Variants in INPP1 observed in about 807,000 individuals in gnomAD.
INPP1 encodes the protein inositol polyphosphate 1-phosphatase.
INPP1 carries 18 observed loss-of-function variants against 23.0 expected under a neutral mutation model. That is an observed-to-expected ratio of 0.78 (90% CI 0.54 to 1.16). The LOEUF (loss-of-function observed/expected upper bound fraction) is 1.16, where lower values mean the gene tolerates loss of function less well. Ranked by LOEUF, INPP1 falls within the 50% of genes most tolerant of loss-of-function variation. INPP1 has a pLI of 0.00. For missense variants in INPP1, 448 were observed against 482.1 expected (o/e 0.93, Z 0.66); for synonymous variants, 164 against 176.3 (o/e 0.93, Z 0.55).
At chr2:190,360,428 A>T in intron 3 of INPP1, 122 bp downstream of exon 3, 1 of 721,358 alleles carries the variant, frequency 1.4e-6, no homozygotes, top group South Asian at 1.9e-5. Flanking sequence ...ATTTCAAGTA[A>T]ACATCTTGGA....
Position 190,367,259 on chromosome 2 carries a change from A to G in INPP1, c.466+364A>G, listed in dbSNP as rs1450330480. Among the ~76,000 whole-genome samples the G allele has an allele frequency of 6.6e-6, 1 of 152,234 alleles. No individual in the cohort carries two copies. Among genetic ancestry groups the G allele is most frequent in the Non-Finnish European group, 1.5e-5 (1 of 68,044 alleles). On this transcript the variant is annotated intron_variant, in intron 5 of 6. Transcript: ENST00000392329. This position sits in a 1 kb window ranked among gnomAD's most constrained non-coding sequence, Gnocchi z 4.1. ...AGCAGTTATGACCAATTGAGCACAC[A>G]TACCATTTAAAGAGCACTTAGCTTT... is the stretch of plus-strand genomic sequence containing the variant.
rs1689724986 is a variant in INPP1, at chr2:190,368,290, G to A, written c.467-813G>A. On this transcript the variant is annotated intron_variant, in intron 5 of 6. Coordinates refer to ENST00000392329, the MANE Select transcript of INPP1 (RefSeq NM_001128928.2). This position sits in a 1 kb window ranked among gnomAD's most constrained non-coding sequence, Gnocchi z 4.3. ...GACGTCAGCAGTCAGCTGCTGGCAT[G>A]TACATCTCTTAAGGGGAAACCTAGT... 1.3e-5 allele frequency among the ~76,000 whole-genome samples: 2 copies of A among 152,158 alleles called. No homozygotes were observed. Among genetic ancestry groups the A allele is most frequent in the African/African-American group, 4.8e-5 (2 of 41,434 alleles).
At chr2:190,349,742 A>T (rs76178074) in intron 2 of INPP1, among the ~76,000 whole-genome samples, 106 of 10,602 alleles carry the variant, frequency 1.0e-2, no homozygotes, top group African/African-American at 0.033. Flanking sequence ...ACACAGCAGA[A>T]AAAAAAATAT....
Position 190,360,067 on chromosome 2 carries a change from C to T in INPP1, c.-36C>T. 3 of 1,602,770 alleles carry T rather than the reference C, an allele frequency of 1.9e-6. No homozygotes were observed. The highest frequency in any genetic ancestry group is 1.7e-6 in the Non-Finnish European group (2 of 1,171,852). ...ACGGCCCAGAGGGTGGGTGCCAATTCCACCAGCAGCTGCAACTGAAAAGCA... is the reference window on the plus strand; with the variant it reads ...ACGGCCCAGAGGGTGGGTGCCAATTTCACCAGCAGCTGCAACTGAAAAGCA... On this transcript the variant is annotated 5_prime_UTR_variant, in exon 3 of 7. Coordinates refer to ENST00000392329, the MANE Select transcript of INPP1 (RefSeq NM_001128928.2).
At chr2:190,365,924 T>C (rs1246092454) in intron 4 of INPP1, among the ~76,000 whole-genome samples, 1 of 151,876 alleles carries the variant, frequency 6.6e-6, no homozygotes, top group Non-Finnish European at 1.5e-5. Flanking sequence ...TTGCTCTGTC[T>C]CACTGTCTCT....
chr2:190,362,597 T>G (rs1322036592), intron 3 of INPP1, 30 bp from the exon 4 acceptor site: 1 of 1,505,632 alleles, frequency 6.6e-7, no homozygotes, highest in South Asian at 1.2e-5. Context: ...GGTTTTTGTT[T>G]TGTTTTTCGT....
At chr2:190,366,208 TCTCG>T (rs1375326120) in intron 4 of INPP1, among the ~76,000 whole-genome samples, 29 of 150,838 alleles carry the variant, frequency 1.9e-4, no homozygotes, top group African/African-American at 7.1e-4. Flanking sequence ...TGTCTCGCTC[TCTCG>T]CTCTGTCTCT....
chr2:190,360,854 T>C (rs1689521348), intron 3 of INPP1, among the ~76,000 whole-genome samples: 1 of 152,154 alleles, frequency 6.6e-6, no homozygotes, highest in Admixed American at 6.5e-5. Flanking sequence ...TTTCTTCAGT[T>C]ATGAGATTGT....
At chr2:190,359,392 CT>C (rs768566566) in intron 2 of INPP1, among the ~76,000 whole-genome samples, 6 of 151,636 alleles carry the variant, frequency 4.0e-5, no homozygotes, top group Non-Finnish European at 5.9e-5. Context: ...CCTGTCTCTA[CT>C]AAAAATACAA....
rs183835955 is a variant in INPP1 at position 190,356,413 on chromosome 2, C to G, written c.-64-3626C>G. ...TGCAGTGAATAGCCAGTACTTCTTT[C>G]CCATTGGTCAAGTTGCTGTGCTCGC... On this transcript the variant is annotated intron_variant, in intron 2 of 6. Transcript: ENST00000392329. This position sits in a 1 kb window ranked among gnomAD's most constrained non-coding sequence, Gnocchi z 6.4. 1 of 152,180 alleles carries G rather than the reference C, an allele frequency of 6.6e-6. No individual in the cohort carries two copies. The highest frequency in any genetic ancestry group is 2.4e-5 in the African/African-American group (1 of 41,430). 9.4% of individuals were successfully genotyped at this position (152,180 alleles called of 1,614,324 possible). A position where few individuals can be genotyped will look rare whatever the true frequency, so the allele number is the denominator to read the frequency against.
rs1213971651 is a variant in INPP1, at chr2:190,345,078, T to C, written c.-209+1117T>C. On this transcript the variant is annotated intron_variant, in intron 1 of 6. Transcript: ENST00000392329. This position sits in a 1 kb window ranked among gnomAD's most constrained non-coding sequence, Gnocchi z 4.9. The stretch of plus-strand genomic sequence containing the variant: ...GGAAAAAATAAAGGCAATGGAAGAA[T>C]TCATTTTTTCAATACAGATATTTGT... Among the ~76,000 whole-genome samples, 1 of 152,250 alleles carries C rather than the reference T, an allele frequency of 6.6e-6. No homozygotes were observed. The highest frequency in any genetic ancestry group is 2.4e-5 in the African/African-American group (1 of 41,462).
At position 190,360,260 on chromosome 2, in the gene INPP1, C is replaced by T; in HGVS notation, c.158C>T (p.Ala53Val). 2 of 1,614,166 alleles carry T rather than the reference C, an allele frequency of 1.2e-6. No individual in the cohort carries two copies. Among genetic ancestry groups the T allele is most frequent in the Non-Finnish European group, 1.7e-6 (2 of 1,180,022 alleles). The change falls in exon 3 of 7, where the codon GCT (alanine) becomes GTT (valine). Residue 53 changes from alanine (A) to valine (V), a missense_variant. Physicochemically the swap from Ala to Val is moderately conservative, Grantham distance 64 (BLOSUM62 0). Coordinates refer to ENST00000392329, the MANE Select transcript of INPP1 (RefSeq NM_001128928.2). The stretch of plus-strand genomic sequence containing the variant: ...TTTGCAGTTGACTTCAAGACGCTGG[C>T]TGATGTACTGGTACAGGAAGTTATA... ...KKFAVDFKTLADVLVQEVIKQ... is the reference protein window; with the variant it reads ...KKFAVDFKTLVDVLVQEVIKQ...
In INPP1 at chr2:190,346,529, A is replaced by G. The variant is rs1689218766; in HGVS notation, c.-208-2359A>G. The stretch of plus-strand genomic sequence containing the variant: ...TCAATTTCTTGAATGTGATAAGAGC[A>G]TTTTATTAATGGATGACTAATGCAG... On this transcript the variant is annotated intron_variant, in intron 1 of 6. Coordinates refer to ENST00000392329, the MANE Select transcript of INPP1 (RefSeq NM_001128928.2). This position sits in a 1 kb window ranked among gnomAD's most constrained non-coding sequence, Gnocchi z 5.1. Among the ~76,000 whole-genome samples the G allele has an allele frequency of 6.6e-6, 1 of 152,192 alleles. No homozygotes were observed.
chr2:190,357,909 C>A (rs1445689833), intron 2 of INPP1, among the ~76,000 whole-genome samples: 1 of 152,140 alleles, frequency 6.6e-6, no homozygotes, highest in African/African-American at 2.4e-5. Context: ...ACTACTGAGA[C>A]TAGACATATT....
chr2:190,366,574 GCTCT>G (rs1206860058), intron 4 of INPP1, 117 bp from the exon 5 acceptor site: 46 of 717,022 alleles, frequency 6.4e-5, no homozygotes, highest in African/African-American at 1.8e-4. Context: ...TGTGTCTCTC[GCTCT>G]CTCTCTGTCT....
rs185770729 is a variant in INPP1 at position 190,352,965 on chromosome 2, G to C, written c.-65+3934G>C. On this transcript the variant is annotated intron_variant, in intron 2 of 6. Coordinates refer to ENST00000392329, the MANE Select transcript of INPP1 (RefSeq NM_001128928.2). This position sits in a 1 kb window ranked among gnomAD's most constrained non-coding sequence, Gnocchi z 4.7. ...GCCAGAATTCAGGATGTGAACCGTG[G>C]GGGTGGGGTGGAGTCAATGCGCAAT... is the stretch of plus-strand genomic sequence containing the variant. Among the ~76,000 whole-genome samples the C allele has an allele frequency of 1.3e-5, 2 of 152,190 alleles. No homozygotes were observed. Among genetic ancestry groups the C allele is most frequent in the East Asian group, 3.9e-4 (2 of 5,192 alleles).
At chr2:190,344,479 T>G (rs1390465516) in intron 1 of INPP1, among the ~76,000 whole-genome samples, 1 of 152,208 alleles carries the variant, frequency 6.6e-6, no homozygotes, top group African/African-American at 2.4e-5. Context: ...GTGACCTACT[T>G]GATGAGTGTG....
At chr2:190,366,596 TCG>T in intron 4 of INPP1, 97 bp from the exon 5 acceptor site, 2 of 858,622 alleles carry the variant, frequency 2.3e-6, no homozygotes, top group Non-Finnish European at 3.9e-6. Flanking sequence ...TCTCTCTCTC[TCG>T]CTCTCTCTGT....
chr2:190,367,348 C>T lies in INPP1; in HGVS notation c.466+453C>T, dbSNP rs554221291. On this transcript the variant is annotated intron_variant, in intron 5 of 6. Transcript: ENST00000392329. This position sits in a 1 kb window ranked among gnomAD's most constrained non-coding sequence, Gnocchi z 4.1. ...CAGATTTTTAAAGAGAAACCAAAAT[C>T]CAAGGTTTTCAGCGATATATCCCAA... 6.6e-6 allele frequency among the ~76,000 whole-genome samples: 1 copy of T among 152,240 alleles called. No individual in the cohort carries two copies. The highest frequency in any genetic ancestry group is 6.5e-5 in the Admixed American group (1 of 15,292).
Sources: allele counts gnomAD v4.1 joint callset (sites outside exome capture counted in the v4.1 genomes callset), GRCh38; gene constraint gnomAD v4.1.1; non-coding constraint Gnocchi (gnomAD v3.1); transcripts MANE v1.5; gene names NCBI Gene and HGNC (gene_info 2026-07-23, HGNC 2026-07-21).